Variants in RYR2 observed in about 807,000 individuals in gnomAD.
RYR2 encodes the protein ryanodine receptor 2.
Under a neutral mutation model 601.1 loss-of-function variants are expected in RYR2, and 227 were observed. That is an observed-to-expected ratio of 0.38 (90% CI 0.34 to 0.42). RYR2 has a LOEUF of 0.42. Ranked by LOEUF, RYR2 falls within the 10% of genes least tolerant of loss-of-function variation. The pLI is 1.00. For missense variants in RYR2, 4,646 were observed against 6,156.5 expected (o/e 0.75, Z 8.21); for synonymous variants, 2,223 against 2,175.1 (o/e 1.02, Z -0.61).
intron 1 of RYR2, chr1:237,267,493 C>T (rs1040635336): frequency 5.4e-6 from 1 of 185,418 alleles, no homozygotes; most frequent in African/African-American, 2.4e-5. Flanking sequence ...GCACTCCAGC[C>T]TGGGTAGCAG....
intron 38 of RYR2, among the ~76,000 whole-genome samples, chr1:237,617,974 A>T (rs1386554232): frequency 6.6e-6 from 1 of 152,142 alleles, no homozygotes; most frequent in Non-Finnish European, 1.5e-5. Flanking sequence ...GAACAAAGGG[A>T]ACCTGCCTAT....
At chr1:237,645,326 G>A (rs1162177631) in intron 48 of RYR2, among the ~76,000 whole-genome samples, 5 of 152,108 alleles carry the variant, frequency 3.3e-5, no homozygotes, top group Non-Finnish European at 5.9e-5. Flanking sequence ...AATCTTCCCC[G>A]CCTTTGGCTT....
At chr1:237,047,100 A>G (rs1459397155) in intron 1 of RYR2, among the ~76,000 whole-genome samples, 1 of 152,226 alleles carries the variant, frequency 6.6e-6, no homozygotes, top group Non-Finnish European at 1.5e-5. Context: ...GACTTGGCCC[A>G]GTGTCACACT....
intron 58 of RYR2, among the ~76,000 whole-genome samples, chr1:237,669,519 C>T (rs1684672824): frequency 6.7e-6 from 1 of 149,254 alleles, no homozygotes; most frequent in Non-Finnish European, 1.5e-5. Flanking sequence ...ACCCCCCCCA[C>T]CTCCCTCCCG....
chr1:237,234,751 A>G (rs1162009919), intron 1 of RYR2, among the ~76,000 whole-genome samples: 2 of 152,222 alleles, frequency 1.3e-5, no homozygotes, highest in East Asian at 1.9e-4. Context: ...AAATTAAGGT[A>G]TAATACTTTT....
chr1:237,265,729 G>T lies in RYR2; in HGVS notation c.49-4768G>T, dbSNP rs921581166. ...ATTGATGGTGTGGCCTCAAGCTAAA[G>T]CTCCTTGGAAGGGAGTGTGCAGTGT... On this transcript the variant is annotated intron_variant, in intron 1 of 104. Transcript: ENST00000366574. 8.5e-4 allele frequency among the ~76,000 whole-genome samples: 130 copies of T among 152,220 alleles called. 10 individuals carry two copies. The highest frequency in any genetic ancestry group is 7.3e-5 in the Non-Finnish European group (5 of 68,046).
chr1:237,147,157 A>G (rs1418105027), intron 1 of RYR2, among the ~76,000 whole-genome samples: 1 of 152,202 alleles, frequency 6.6e-6, no homozygotes, highest in Non-Finnish European at 1.5e-5. Flanking sequence ...GCCAGAAAAG[A>G]TTAAGGCTAC....
At chr1:237,310,424 A>C (rs1418734371) in intron 2 of RYR2, among the ~76,000 whole-genome samples, 1 of 152,250 alleles carries the variant, frequency 6.6e-6, no homozygotes, top group East Asian at 1.9e-4. Flanking sequence ...AGCTACAGAT[A>C]AAAGGTTAAA....
chr1:237,212,090 G>A (rs576374474), intron 1 of RYR2, among the ~76,000 whole-genome samples: 1 of 145,156 alleles, frequency 6.9e-6, no homozygotes, highest in East Asian at 2.0e-4. Context: ...TTTTTTTTTT[G>A]CTGCATATTT....
intron 1 of RYR2, among the ~76,000 whole-genome samples, chr1:237,060,002 T>G (rs1232734828): frequency 6.6e-6 from 1 of 152,182 alleles, no homozygotes; most frequent in Non-Finnish European, 1.5e-5. Flanking sequence ...GACTCCTAAA[T>G]GGGAAGGTGC....
intron 99 of RYR2, among the ~76,000 whole-genome samples, chr1:237,807,419 C>T (rs867972894): frequency 2.0e-4 from 31 of 152,260 alleles, no homozygotes; most frequent in African/African-American, 7.0e-4. Flanking sequence ...GGCGCGATCT[C>T]GGCTCACTGC....
At chr1:237,122,601 G>T (rs1670922450) in intron 1 of RYR2, among the ~76,000 whole-genome samples, 2 of 152,194 alleles carry the variant, frequency 1.3e-5, no homozygotes, top group South Asian at 4.1e-4. Flanking sequence ...AGAATCGCTT[G>T]AACCTAGGAG....
intron 62 of RYR2, among the ~76,000 whole-genome samples, chr1:237,682,333 C>T (rs1685959115): frequency 6.6e-6 from 1 of 152,084 alleles, no homozygotes; most frequent in African/African-American, 2.4e-5. Context: ...GTTGATGTCC[C>T]TTTGGGGCTC....
chr1:237,771,449 A>T (rs1011832728), intron 85 of RYR2, among the ~76,000 whole-genome samples: 2 of 151,984 alleles, frequency 1.3e-5, no homozygotes, highest in African/African-American at 4.8e-5. Context: ...TATGAAAAAC[A>T]TATAAATAGT....
chr1:237,155,463 G>T (rs1020850965), intron 1 of RYR2, among the ~76,000 whole-genome samples: 2 of 151,832 alleles, frequency 1.3e-5, no homozygotes, highest in African/African-American at 4.8e-5. Flanking sequence ...GGCATGAGCC[G>T]AATAGTGGCG....
At chr1:237,367,457 A>C (rs559741319) in intron 5 of RYR2, among the ~76,000 whole-genome samples, 64 of 152,298 alleles carry the variant, frequency 4.2e-4, no homozygotes, top group African/African-American at 1.5e-3. Flanking sequence ...TGTTTTTAGA[A>C]TAGTTCTGAG....
chr1:237,097,677 G>T lies in RYR2; in HGVS notation c.48+55108G>T, dbSNP rs552855046. Among the ~76,000 whole-genome samples, 22 of 152,306 alleles carry T rather than the reference G, an allele frequency of 1.4e-4. 1 individual carries two copies. The South Asian group carries it at 4.3e-3, about 30-fold the overall frequency. On this transcript the variant is annotated intron_variant, in intron 1 of 104. Coordinates refer to ENST00000366574, the MANE Select transcript of RYR2 (RefSeq NM_001035.3). ...TAATTTTTTGGTTTCTGGCAAGGAGGATATGGGCTTAAGTAAAATACTCCA... is the reference window on the plus strand; with the variant it reads ...TAATTTTTTGGTTTCTGGCAAGGAGTATATGGGCTTAAGTAAAATACTCCA...
At chr1:237,773,435 C>A (rs1275392641) in intron 86 of RYR2, 85 bp from the exon 87 acceptor site, 7 of 863,534 alleles carry the variant, frequency 8.1e-6, no homozygotes, top group Non-Finnish European at 1.3e-5. Flanking sequence ...TAAAATACTT[C>A]TCAGGCATAA....
chr1:237,639,400 G>A (rs1407614920), intron 46 of RYR2, among the ~76,000 whole-genome samples, 199 bp downstream of exon 46: 1 of 152,204 alleles, frequency 6.6e-6, no homozygotes, highest in African/African-American at 2.4e-5. Flanking sequence ...GAGAGCTGAA[G>A]AAGATGGTGT....
Sources: allele counts gnomAD v4.1 joint callset (sites outside exome capture counted in the v4.1 genomes callset), GRCh38; gene constraint gnomAD v4.1.1; transcripts MANE v1.5; gene names NCBI Gene and HGNC (gene_info 2026-07-23, HGNC 2026-07-21).